The following COL8A1 variants were observed in gnomAD, a reference collection of about 807,000 sequenced individuals.
The protein encoded by COL8A1 is collagen alpha-1(VIII) chain.
In COL8A1, 21 loss-of-function variants were observed where a neutral mutation model predicts 42.7. The observed-to-expected ratio is 0.49, with a 90% CI of 0.35 to 0.71. The LOEUF (loss-of-function observed/expected upper bound fraction) is 0.71. Ranked by LOEUF, COL8A1 falls within the 30% of genes least tolerant of loss-of-function variation. The probability of loss-of-function intolerance (pLI) is 0.01; values close to 1 mark genes in which losing one functional copy is unlikely to be tolerated. For missense variants in COL8A1, 788 were observed against 962.4 expected, an observed-to-expected ratio of 0.82 and a Z score of 2.40; for synonymous variants, 367 against 369.1, an observed-to-expected ratio of 0.99 and a Z score of 0.06.
Position 99,663,847 on chromosome 3 carries a change from G to C in COL8A1, c.-129+25183G>C, listed in dbSNP as rs1231300822. ...ACATCTAAGAAAAATGATTAATGTA[G>C]GTTATTTTTTAATGCATACTATCTT... On this transcript the variant is annotated intron_variant, in intron 1 of 3. Transcript: ENST00000652472. 2.0e-5 allele frequency among the ~76,000 whole-genome samples: 3 copies of C among 152,006 alleles called. No homozygotes were observed. The South Asian group carries it at 6.2e-4, about 32-fold the overall frequency.
At chr3:99,639,578 T>G (rs1469501304) in intron 1 of COL8A1, among the ~76,000 whole-genome samples, 3 of 152,222 alleles carry the variant, frequency 2.0e-5, no homozygotes, top group African/African-American at 7.2e-5. Flanking sequence ...ATCAGAGATA[T>G]TCAGTGTTTA....
intron 1 of COL8A1, among the ~76,000 whole-genome samples, chr3:99,727,439 T>A (rs1940367553): frequency 2.0e-5 from 3 of 152,126 alleles, no homozygotes; most frequent in Admixed American, 2.0e-4. Flanking sequence ...GGCCAGAACT[T>A]CCAACAGTAT....
chr3:99,692,861 A>G (rs1057327381), intron 1 of COL8A1, among the ~76,000 whole-genome samples: 3 of 152,260 alleles, frequency 2.0e-5, no homozygotes, highest in Non-Finnish European at 4.4e-5. Flanking sequence ...TGCCAGCGGT[A>G]TAAAAGTATT....
chr3:99,718,779 G>T (rs375103834), intron 1 of COL8A1, among the ~76,000 whole-genome samples: 1 of 152,112 alleles, frequency 6.6e-6, no homozygotes, highest in African/African-American at 2.4e-5. Context: ...ATAAAATTCA[G>T]TTGCATACTT....
intron 1 of COL8A1, among the ~76,000 whole-genome samples, chr3:99,691,228 C>A (rs755746847): frequency 2.6e-5 from 4 of 152,156 alleles, no homozygotes; most frequent in African/African-American, 7.2e-5. Context: ...CCTTCTAAGA[C>A]AGGTGAACCA....
chr3:99,710,173 G>A (rs1939795748), intron 1 of COL8A1, among the ~76,000 whole-genome samples: 1 of 152,288 alleles, frequency 6.6e-6, no homozygotes, highest in East Asian at 1.9e-4. Flanking sequence ...TAAACTAGAA[G>A]AAGATGACCT....
At chr3:99,763,465 T>C (rs781422072) in intron 2 of COL8A1, among the ~76,000 whole-genome samples, 1 of 152,112 alleles carries the variant, frequency 6.6e-6, no homozygotes, top group Non-Finnish European at 1.5e-5. Context: ...ACAATAATAA[T>C]AACAGTTAAT....
At chr3:99,776,733 TG>T (rs1941700205) in intron 2 of COL8A1, among the ~76,000 whole-genome samples, 1 of 152,192 alleles carries the variant, frequency 6.6e-6, no homozygotes, top group African/African-American at 2.4e-5. Context: ...TGCAGCAGCT[TG>T]GGCTGCTTAG....
chr3:99,670,473 T>C (rs1298355758), intron 1 of COL8A1, among the ~76,000 whole-genome samples: 1 of 152,094 alleles, frequency 6.6e-6, no homozygotes, highest in East Asian at 1.9e-4. Context: ...CTTTTTCTTA[T>C]TATTAATATT....
intron 1 of COL8A1, among the ~76,000 whole-genome samples, chr3:99,693,894 C>G (rs1340092315): frequency 6.6e-6 from 1 of 152,176 alleles, no homozygotes; most frequent in Non-Finnish European, 1.5e-5. Context: ...GTAAAGTGCC[C>G]TATACAGGTA....
intron 2 of COL8A1, among the ~76,000 whole-genome samples, chr3:99,772,948 G>C (rs1941607719): frequency 1.3e-5 from 2 of 152,200 alleles, no homozygotes; most frequent in Admixed American, 1.3e-4. Context: ...GGCCTTTGGA[G>C]ACAGACCAGC....
intron 1 of COL8A1, among the ~76,000 whole-genome samples, chr3:99,687,123 C>T (rs1939078363): frequency 6.6e-6 from 1 of 152,174 alleles, no homozygotes; most frequent in Non-Finnish European, 1.5e-5. Flanking sequence ...GGATTACAGG[C>T]AGGAGCCACG....
At chr3:99,760,468 C>T (rs1941346241) in intron 2 of COL8A1, among the ~76,000 whole-genome samples, 1 of 152,064 alleles carries the variant, frequency 6.6e-6, no homozygotes, top group South Asian at 2.1e-4. Context: ...GCCCCCTCTC[C>T]CATAGAGAAA....
At chr3:99,709,568 A>C (rs1299540504) in intron 1 of COL8A1, among the ~76,000 whole-genome samples, 1 of 152,202 alleles carries the variant, frequency 6.6e-6, no homozygotes, top group Non-Finnish European at 1.5e-5. Context: ...CCTGTGTTTC[A>C]GGAACTAATC....
chr3:99,652,953 A>T (rs903004959), intron 1 of COL8A1, among the ~76,000 whole-genome samples: 2 of 152,224 alleles, frequency 1.3e-5, no homozygotes, highest in Non-Finnish European at 2.9e-5. Context: ...AAGTTAGCAT[A>T]AGAAGCCCTG....
intron 1 of COL8A1, among the ~76,000 whole-genome samples, chr3:99,739,875 C>A (rs1467028411): frequency 6.6e-6 from 1 of 152,218 alleles, no homozygotes; most frequent in Non-Finnish European, 1.5e-5. Flanking sequence ...AATTTCTCCC[C>A]AGAAAATTTG....
chr3:99,690,367 T>C (rs1047480334), intron 1 of COL8A1, among the ~76,000 whole-genome samples: 10 of 152,238 alleles, frequency 6.6e-5, no homozygotes, highest in African/African-American at 2.4e-4. Flanking sequence ...ATGAGACTAA[T>C]GTCCTAAGGA....
intron 1 of COL8A1, among the ~76,000 whole-genome samples, chr3:99,662,690 G>A (rs1938244162): frequency 6.6e-6 from 1 of 152,198 alleles, no homozygotes; most frequent in Non-Finnish European, 1.5e-5. Flanking sequence ...CAATAGGCCG[G>A]AAGGGTTAGT....
intron 2 of COL8A1, among the ~76,000 whole-genome samples, chr3:99,776,578 A>C (rs793487): frequency 0.64 from 97,491 of 151,942 alleles, 32,048 homozygotes; most frequent in African/African-American, 0.79. Flanking sequence ...AATAAATGAA[A>C]ATGTTACCGG....
Sources: allele counts gnomAD v4.1 joint callset (sites outside exome capture counted in the v4.1 genomes callset), GRCh38; gene constraint gnomAD v4.1.1; transcripts MANE v1.5; gene names NCBI Gene and HGNC (gene_info 2026-07-23, HGNC 2026-07-21).